Variants in PHKB observed in about 807,000 individuals in gnomAD.
PHKB encodes phosphorylase b kinase regulatory subunit beta.
In PHKB, 122 loss-of-function variants were observed where a neutral mutation model predicts 152.1. The ratio of observed to expected loss-of-function variants is 0.80; its 90% confidence interval spans 0.69 to 0.93. The LOEUF is 0.93. PHKB is among the 40% of genes least tolerant of loss of function. The probability of loss-of-function intolerance (pLI) is 0.00; values close to 1 mark genes in which losing one functional copy is unlikely to be tolerated. For missense variants in PHKB, 1,304 were observed against 1,328.4 expected, an observed-to-expected ratio of 0.98 and a Z score of 0.29; for synonymous variants, 436 against 464.9, an observed-to-expected ratio of 0.94 and a Z score of 0.80.
At chr16:47,673,018 C>A (rs1006540083) in intron 26 of PHKB, among the ~76,000 whole-genome samples, 1 of 151,940 alleles carries the variant, frequency 6.6e-6, no homozygotes, top group Non-Finnish European at 1.5e-5. Context: ...ATTCTCATTG[C>A]GAGTATTAAT....
At chr16:47,697,012 A>G (rs950118253) in intron 29 of PHKB, among the ~76,000 whole-genome samples, 1 of 152,238 alleles carries the variant, frequency 6.6e-6, no homozygotes, top group Non-Finnish European at 1.5e-5. Flanking sequence ...ATGTCATTGC[A>G]TGGTGTATCA....
intron 13 of PHKB, 66 bp downstream of exon 13, chr16:47,596,597 C>A (rs1972124850): frequency 6.8e-7 from 1 of 1,461,570 alleles, no homozygotes; most frequent in Non-Finnish European, 9.6e-7. Context: ...ATAAATATGC[C>A]TTTGCTGGTG....
chr16:47,688,165 C>T (rs1457492011), intron 26 of PHKB, among the ~76,000 whole-genome samples: 4 of 152,202 alleles, frequency 2.6e-5, no homozygotes, highest in Non-Finnish European at 5.9e-5. Context: ...TGCACTGCCT[C>T]TCTTTGTGCA....
At chr16:47,468,375 C>T (rs534358102) in intron 1 of PHKB, among the ~76,000 whole-genome samples, 1 of 152,320 alleles carries the variant, frequency 6.6e-6, no homozygotes, top group East Asian at 1.9e-4. Flanking sequence ...ATAAAATCTA[C>T]AATCCCAGGC....
intron 8 of PHKB, among the ~76,000 whole-genome samples, chr16:47,580,565 A>T (rs1389430729): frequency 6.6e-6 from 1 of 151,180 alleles, no homozygotes; most frequent in Non-Finnish European, 1.5e-5. Context: ...CTTTAAAAAA[A>T]AAAAAAAAAA....
chr16:47,605,668 T>C (rs376898847), intron 13 of PHKB, among the ~76,000 whole-genome samples: 1 of 152,242 alleles, frequency 6.6e-6, no homozygotes, highest in African/African-American at 2.4e-5. Context: ...ATTAAAGTTA[T>C]ATGTCGATAT....
rs7195074 is a variant in PHKB at position 47,660,910 on chromosome 16, G to T, written c.2196+91G>T. The T allele has an allele frequency of 0.051, 66,149 of 1,304,810 alleles. 3,559 individuals are homozygous for T. Among genetic ancestry groups the T allele is most frequent in the African/African-American group, 0.27 (18,612 of 68,950 alleles). The allele number at this position is 1,304,810 out of a possible 1,614,324, so 80.8% of individuals were successfully genotyped here. On this transcript the variant is annotated intron_variant, in intron 22 of 30. Transcript: ENST00000323584. ...GACCATATGTCTTTTTGTCCTGTCA[G>T]TGAAGGTAGCAATTAATCTGGAGGT...
At chr16:47,465,167 C>A (rs998101044) in intron 1 of PHKB, among the ~76,000 whole-genome samples, 1 of 152,166 alleles carries the variant, frequency 6.6e-6, no homozygotes, top group African/African-American at 2.4e-5. Flanking sequence ...CAAAATATTA[C>A]ATGTAACAAT....
chr16:47,556,957 G>T (rs538166379), intron 7 of PHKB, among the ~76,000 whole-genome samples: 1 of 152,236 alleles, frequency 6.6e-6, no homozygotes, highest in South Asian at 2.1e-4. Context: ...TCCTGTTATT[G>T]GTCTATTCAG....
rs1017467373 is a variant in PHKB, at chr16:47,515,432, A to T, written c.514-89A>T. The T allele has an allele frequency of 1.1e-5, 8 of 742,496 alleles. No homozygotes were observed. The African/African-American group carries it at 1.4e-4, about 13-fold the overall frequency. 46.0% of individuals were successfully genotyped at this position (742,496 alleles called of 1,614,324 possible). On this transcript the variant is annotated intron_variant, in intron 5 of 30. Transcript: ENST00000323584. ...ATAGTTTTATGACACTATTAGAGCA[A>T]ATGACTTGTAATTTTAGCCTTAATT...
chr16:47,638,952 CAG>C (rs1972968671), intron 14 of PHKB, among the ~76,000 whole-genome samples: 1 of 152,130 alleles, frequency 6.6e-6, no homozygotes, highest in South Asian at 2.1e-4. Flanking sequence ...AGGAAATTAA[CAG>C]AGAGACTTAA....
rs1555495954 is a variant in PHKB, at chr16:47,654,741, G to GGT, written c.1971+3820_1971+3821insGT. 2.9e-4 allele frequency among the ~76,000 whole-genome samples: 43 copies of GGT among 146,590 alleles called. 1 individual carries two copies. Among genetic ancestry groups the GGT allele is most frequent in the East Asian group, 1.5e-3 (7 of 4,632 alleles). ...ACCACATGTTCTCACTCATAGGTGC[G>GGT]AATTGAACAATGAGAACACTTGGAC... On this transcript the variant is annotated intron_variant, in intron 20 of 30. Transcript: ENST00000323584.
intron 14 of PHKB, among the ~76,000 whole-genome samples, chr16:47,624,198 T>A (rs1287474979): frequency 6.6e-6 from 1 of 152,212 alleles, no homozygotes; most frequent in East Asian, 1.9e-4. Flanking sequence ...ACATCTTTTA[T>A]GGGATCCTGT....
intron 14 of PHKB, among the ~76,000 whole-genome samples, chr16:47,631,414 A>T (rs763834916): frequency 8.5e-5 from 13 of 152,246 alleles, no homozygotes; most frequent in Non-Finnish European, 1.0e-4. Flanking sequence ...AGCTGTCAAG[A>T]TGTATTAATT....
intron 14 of PHKB, among the ~76,000 whole-genome samples, chr16:47,623,443 A>G (rs1482253049): frequency 1.3e-5 from 2 of 149,300 alleles, no homozygotes; most frequent in African/African-American, 4.9e-5. Flanking sequence ...TAAGACTATC[A>G]CTGTATAGAC....
intron 1 of PHKB, among the ~76,000 whole-genome samples, chr16:47,467,497 G>T (rs1051334498): frequency 6.6e-6 from 1 of 152,134 alleles, no homozygotes; most frequent in Non-Finnish European, 1.5e-5. Flanking sequence ...ATACTTAAAA[G>T]ATATTTTTGT....
At position 47,469,618 on chromosome 16, in the gene PHKB, G is replaced by A. The variant is rs577354637; in HGVS notation, c.76+8192G>A. Among the ~76,000 whole-genome samples, 375 of 152,030 alleles carry A rather than the reference G, an allele frequency of 2.5e-3. 1 individual carries two copies. Among genetic ancestry groups the A allele is most frequent in the Non-Finnish European group, 3.6e-3 (244 of 67,974 alleles). On this transcript the variant is annotated intron_variant, in intron 1 of 30. Transcript: ENST00000323584. ...TGCTAGAGGGGAGAGTGAGGGAGAG[G>A]GGCAGGGCAGGGGTTGAAAAACTAA...
At chr16:47,655,072 C>T (rs1973311046) in intron 20 of PHKB, among the ~76,000 whole-genome samples, 1 of 151,612 alleles carries the variant, frequency 6.6e-6, no homozygotes, top group Non-Finnish European at 1.5e-5. Context: ...ATTCAGTCAC[C>T]AAAATTGAGA....
chr16:47,581,079 A>G (rs566468173), intron 8 of PHKB, among the ~76,000 whole-genome samples: 3 of 152,350 alleles, frequency 2.0e-5, no homozygotes, highest in African/African-American at 7.2e-5. Context: ...TGAAGTTTCT[A>G]ACTGAGAATA....
Sources: gnomAD v4.1 joint callset for allele counts (sites outside exome capture counted in the v4.1 genomes callset) on GRCh38, gnomAD v4.1.1 for gene constraint, MANE v1.5 for transcripts, NCBI Gene and HGNC (gene_info 2026-07-23, HGNC 2026-07-21) for gene names.